Variants in HNRNPA3 observed in about 807,000 individuals in gnomAD.
The protein encoded by HNRNPA3 is epididymis secretory sperm binding protein.
Under a neutral mutation model 45.8 loss-of-function variants are expected in HNRNPA3, and 3 were observed. The ratio of observed to expected loss-of-function variants is 0.07; its 90% confidence interval spans 0.03 to 0.17. The LOEUF is 0.17. Among genes scored for constraint, HNRNPA3 ranks in the 10% least tolerant of loss-of-function variants. HNRNPA3 has a pLI of 1.00. For synonymous variants in HNRNPA3, 170 were observed against 155.6 expected, an observed-to-expected ratio of 1.09 and a Z score of -0.69; for missense variants, 183 against 480.3, an observed-to-expected ratio of 0.38 and a Z score of 5.79.
chr2:177,214,741 G>A (rs1688856319), intron 1 of HNRNPA3, among the ~76,000 whole-genome samples: 1 of 152,234 alleles, frequency 6.6e-6, no homozygotes, highest in African/African-American at 2.4e-5. Flanking sequence ...GTTGCAGTGA[G>A]CCGAGATCGC....
At chr2:177,214,875 C>T (rs1019299255) in intron 1 of HNRNPA3, among the ~76,000 whole-genome samples, 3 of 152,200 alleles carry the variant, frequency 2.0e-5, no homozygotes, top group Admixed American at 1.3e-4. Context: ...TGCAACACTG[C>T]TTCTCCAACA....
intron 8 of HNRNPA3, among the ~76,000 whole-genome samples, chr2:177,218,512 G>T (rs1689058213): frequency 6.6e-6 from 1 of 152,158 alleles, no homozygotes; most frequent in African/African-American, 2.4e-5. Flanking sequence ...GGAATAAATT[G>T]TTTGAATACT....
At chr2:177,217,234 TG>T (rs5836592) in intron 7 of HNRNPA3, among the ~76,000 whole-genome samples, 138,526 of 152,242 alleles carry the variant, frequency 0.91, 63,118 homozygotes, top group African/African-American at 0.93. Context: ...TATCAGAAGA[TG>T]GGTTACACAT....
chr2:177,216,844 T>G lies in HNRNPA3; in HGVS notation c.740-16T>G. 6.2e-7 allele frequency: 1 copy of G among 1,612,652 alleles called. No homozygotes were observed. The highest frequency in any genetic ancestry group is 1.1e-5 in the South Asian group (1 of 90,596). On this transcript the variant is annotated splice_polypyrimidine_tract_variant and intron_variant, in intron 6 of 10. Transcript: ENST00000392524. ...GTTGAATATATTATTTTAATTCATT[T>G]CTTGTTTTTCCTCAGGAGGCTATGG...
chr2:177,216,286 G>T (rs1194129482), intron 4 of HNRNPA3, 98 bp downstream of exon 4: 3 of 825,972 alleles, frequency 3.6e-6, no homozygotes, highest in African/African-American at 1.7e-5. Context: ...TGCGTGTAAT[G>T]GCATTTATAG....
At chr2:177,215,142 G>T (rs1255527515) in intron 1 of HNRNPA3, among the ~76,000 whole-genome samples, 1 of 152,030 alleles carries the variant, frequency 6.6e-6, no homozygotes, top group Non-Finnish European at 1.5e-5. Context: ...CGCTCCTATG[G>T]CCCAGGCTGG....
At chr2:177,218,591 T>TA (rs1440610629) in intron 8 of HNRNPA3, among the ~76,000 whole-genome samples, 1 of 152,192 alleles carries the variant, frequency 6.6e-6, no homozygotes, top group Non-Finnish European at 1.5e-5. Flanking sequence ...GGTCTTAATA[T>TA]AATATGTCAC....
chr2:177,213,546 C>G (rs6718393), intron 1 of HNRNPA3, among the ~76,000 whole-genome samples: 3,002 of 152,264 alleles, frequency 0.02, 101 homozygotes, highest in African/African-American at 0.068. Context: ...TTGTTAAAAA[C>G]TTTGCTGCTT....
chr2:177,222,904 T>C (rs541531486), downstream of HNRNPA3: 56 of 152,736 alleles, frequency 3.7e-4, no homozygotes, highest in African/African-American at 1.3e-3. Flanking sequence ...CTTTTTTGTT[T>C]TGGTTCATCT....
chr2:177,218,529 G>A (rs777857605), intron 8 of HNRNPA3, among the ~76,000 whole-genome samples: 4 of 152,212 alleles, frequency 2.6e-5, no homozygotes, highest in Non-Finnish European at 4.4e-5. Flanking sequence ...TACTCCAGAC[G>A]TGTTGAAGTG....
chr2:177,213,393 C>G (rs1056604464), intron 1 of HNRNPA3, among the ~76,000 whole-genome samples: 4 of 152,248 alleles, frequency 2.6e-5, no homozygotes, highest in African/African-American at 9.6e-5. Flanking sequence ...CAGAAAAAGC[C>G]GCAAATGGCC....
chr2:177,213,395 C>T (rs1299645077), intron 1 of HNRNPA3, among the ~76,000 whole-genome samples: 1 of 152,258 alleles, frequency 6.6e-6, no homozygotes, highest in Non-Finnish European at 1.5e-5. Flanking sequence ...GAAAAAGCCG[C>T]AAATGGCCTC....
At chr2:177,214,091 G>A (rs943720916) in intron 1 of HNRNPA3, among the ~76,000 whole-genome samples, 19 of 152,276 alleles carry the variant, frequency 1.2e-4, no homozygotes, top group Admixed American at 3.3e-4. Context: ...TAAGAACTTC[G>A]GGTGAAGGAA....
At chr2:177,216,257 C>A (rs1574240949) in intron 4 of HNRNPA3, 69 bp downstream of exon 4, 2 of 1,115,282 alleles carry the variant, frequency 1.8e-6, no homozygotes, top group Non-Finnish European at 2.6e-6. Flanking sequence ...ACTAAATTTG[C>A]TAAATTGTAA....
chr2:177,212,915 T>C, intron 1 of HNRNPA3, 44 bp downstream of exon 1: 1 of 1,212,824 alleles, frequency 8.2e-7, no homozygotes, highest in Non-Finnish European at 1.1e-6. Context: ...TGGCCGGCGT[T>C]GGGGGCCTGG....
chr2:177,217,785 G>A, exon 8 of HNRNPA3: 1 of 1,612,682 alleles, frequency 6.2e-7, no homozygotes, highest in Non-Finnish European at 8.5e-7. Flanking sequence ...AAACCAAGGT[G>A]GTGGATATGG....
downstream of HNRNPA3, chr2:177,223,343 C>T (rs1159501543): frequency 6.6e-6 from 1 of 151,428 alleles, no homozygotes; most frequent in African/African-American, 2.4e-5. Flanking sequence ...TTTATTTAAA[C>T]AGTTCCATTG....
downstream of HNRNPA3, chr2:177,222,435 T>C (rs1360454712): frequency 6.6e-6 from 1 of 152,212 alleles, no homozygotes; most frequent in Non-Finnish European, 1.5e-5. Context: ...GAAAACCGTT[T>C]TGGTGTGTAA....
At chr2:177,216,430 G>C in intron 4 of HNRNPA3, 73 bp from the exon 5 acceptor site, 1 of 1,055,632 alleles carries the variant, frequency 9.5e-7, no homozygotes. Flanking sequence ...CATAATGACA[G>C]AGGGTATCTC....
Sources: allele counts gnomAD v4.1 joint callset (sites outside exome capture counted in the v4.1 genomes callset), GRCh38; gene constraint gnomAD v4.1.1; transcripts MANE v1.5; gene names NCBI Gene and HGNC (gene_info 2026-07-23, HGNC 2026-07-21).